The following CD33 variants were observed in gnomAD, a reference collection of about 807,000 sequenced individuals.
CD33 encodes myeloid cell surface antigen CD33.
Under a neutral mutation model 31.4 loss-of-function variants are expected in CD33, and 25 were observed. The ratio of observed to expected loss-of-function variants is 0.80; its 90% CI spans 0.58 to 1.11. The LOEUF (loss-of-function observed/expected upper bound fraction) is 1.11, where lower values mean the gene tolerates loss of function less well. Among genes scored for constraint, CD33 ranks in the 50% most tolerant of loss-of-function variants. The probability of loss-of-function intolerance (pLI) is 0.00; values close to 1 mark genes in which losing one functional copy is unlikely to be tolerated. For missense variants in CD33, 407 were observed against 448.1 expected (o/e 0.91, Z 0.83); for synonymous variants, 176 against 180.6 (o/e 0.97, Z 0.20).
At chr19:51,218,243 C>G in the CD33 span, among the ~76,000 whole-genome samples, 1 of 152,220 alleles carries the variant, frequency 6.6e-6, no homozygotes, top group Non-Finnish European at 1.5e-5. Flanking sequence ...GATGATTTCT[C>G]ACTGCGGTTT....
chr19:51,224,757 T>G (rs898374067), upstream of CD33, among the ~76,000 whole-genome samples: 2 of 152,106 alleles, frequency 1.3e-5, no homozygotes, highest in African/African-American at 4.8e-5. Flanking sequence ...TGATCAGCCC[T>G]GGTGTAAACA....
rs780051360 is a variant in CD33 at position 51,231,950 on chromosome 19, G to A, written c.746-3207G>A. Reference sequence around the variant, plus strand: ...ATTTTTGTGTTTCTTGTAGAGGTAGGGTGTTGCCATTTGCCTAAGCTGGTC... The same window carrying A: ...ATTTTTGTGTTTCTTGTAGAGGTAGAGTGTTGCCATTTGCCTAAGCTGGTC... On this transcript the variant is annotated intron_variant, in intron 4 of 6. Coordinates refer to ENST00000262262, the MANE Select transcript of CD33 (RefSeq NM_001772.4). 5.8e-4 allele frequency among the ~76,000 whole-genome samples: 88 copies of A among 152,100 alleles called. 1 individual carries two copies. Among genetic ancestry groups the A allele is most frequent in the Admixed American group, 2.0e-3 (31 of 15,276 alleles).
rs1599866568 is a variant in CD33, at chr19:51,225,856, T to G, written c.472T>G (p.Ser158Ala). The change falls in exon 3 of 7, where the codon TCC becomes GCC. Residue 158 changes from serine (S) to alanine (A), a missense_variant. Ser to Ala is a moderately conservative substitution (Grantham distance 99). Coordinates refer to ENST00000262262, the MANE Select transcript of CD33 (RefSeq NM_001772.4). ...CCCTGGCACTCTAGAACCCGGCCAC[T>G]CCAAAAACCTGACCTGCTCTGTGTC... ...LIPGTLEPGH[S>A]KNLTCSVSWA... 3 of 1,613,826 alleles carry G rather than the reference T, an allele frequency of 1.9e-6. No homozygotes were observed. In the East Asian group the frequency reaches 6.7e-5, roughly 36 times the overall value.
At chr19:51,218,145 C>T in the CD33 span, among the ~76,000 whole-genome samples, 1 of 152,214 alleles carries the variant, frequency 6.6e-6, no homozygotes, top group Non-Finnish European at 1.5e-5. Context: ...TTCCCATGAA[C>T]ACTGTATAAG....
At chr19:51,234,239 A>G (rs1032779709) in intron 4 of CD33, among the ~76,000 whole-genome samples, 1 of 152,090 alleles carries the variant, frequency 6.6e-6, no homozygotes, top group African/African-American at 2.4e-5. Context: ...ATCCCCCATC[A>G]GAGTGGTACA....
At chr19:51,228,835 T>C (rs1981216789) in intron 4 of CD33, among the ~76,000 whole-genome samples, 1 of 152,228 alleles carries the variant, frequency 6.6e-6, no homozygotes, top group East Asian at 1.9e-4. Context: ...TTTAGGTTTT[T>C]GTATGTTATT....
rs1291139455 is a variant in CD33 at position 51,235,943 on chromosome 19, G to T, written c.924+267G>T. On this transcript the variant is annotated intron_variant, in intron 6 of 6. Coordinates refer to ENST00000262262, the MANE Select transcript of CD33 (RefSeq NM_001772.4). ...GGAGGCCAAGGCGGGCGGATCACGA[G>T]GTCAGGAGATTGAGACTATCCTGGC... 3 of 696,796 alleles carry T rather than the reference G, an allele frequency of 4.3e-6. No homozygotes were observed. In the African/African-American group the frequency reaches 5.3e-5, roughly 12 times the overall value. The allele number at this position is 696,796 out of a possible 1,614,324, so 43.2% of individuals were successfully genotyped here.
At chr19:51,216,432 G>T in the CD33 span, among the ~76,000 whole-genome samples, 1 of 152,064 alleles carries the variant, frequency 6.6e-6, no homozygotes, top group Non-Finnish European at 1.5e-5. Flanking sequence ...GTTCTGGGCT[G>T]GGCATCGTGG....
At chr19:51,216,264 GTGTT>G in the CD33 span, among the ~76,000 whole-genome samples, 4 of 149,258 alleles carry the variant, frequency 2.7e-5, no homozygotes, top group South Asian at 8.5e-4. Flanking sequence ...GTGTGTGTGT[GTGTT>G]TCTTGTATGA....
At chr19:51,218,764 C>T in the CD33 span, among the ~76,000 whole-genome samples, 3 of 152,246 alleles carry the variant, frequency 2.0e-5, no homozygotes, top group Admixed American at 2.0e-4. Context: ...CTCCCAGCAC[C>T]GTTTAATTAA....
the CD33 span, chr19:51,211,927 T>C: frequency 8.4e-6 from 12 of 1,430,240 alleles, 1 homozygote; most frequent in Non-Finnish European, 1.1e-5. Context: ...GCTGCCCCCA[T>C]CTCCCTGGGC....
chr19:51,231,820 A>G (rs1258524478), intron 4 of CD33, among the ~76,000 whole-genome samples: 1 of 151,916 alleles, frequency 6.6e-6, no homozygotes, highest in Non-Finnish European at 1.5e-5. Flanking sequence ...GTGCAGTGGC[A>G]TGATCACGGC....
chr19:51,211,987 A>G, the CD33 span: 2 of 1,141,978 alleles, frequency 1.8e-6, no homozygotes, highest in Non-Finnish European at 2.6e-6. Context: ...TGGCCCCAGG[A>G]CCACGGCACC....
At chr19:51,226,147 G>GTCCT in intron 3 of CD33, 66 bp downstream of exon 3, 3 of 1,578,388 alleles carry the variant, frequency 1.9e-6, no homozygotes, top group Non-Finnish European at 1.7e-6. Flanking sequence ...GCTGGTGCTG[G>GTCCT]GGACATTTAG....
upstream of CD33, among the ~76,000 whole-genome samples, chr19:51,224,543 G>T (rs189386054): frequency 6.6e-6 from 1 of 152,152 alleles, no homozygotes; most frequent in Non-Finnish European, 1.5e-5. Flanking sequence ...GTGTTTCTCC[G>T]AGATGACGGT....
chr19:51,218,302 C>T, the CD33 span, among the ~76,000 whole-genome samples: 1 of 152,182 alleles, frequency 6.6e-6, no homozygotes, highest in African/African-American at 2.4e-5. Context: ...GTTTCACATG[C>T]TTCTTGGCCA....
At chr19:51,216,223 AGTGTGTGTGT>A in the CD33 span, among the ~76,000 whole-genome samples, 11 of 128,486 alleles carry the variant, frequency 8.6e-5, no homozygotes, top group South Asian at 9.8e-4. Context: ...ATGTCACCCG[AGTGTGTGTGT>A]GTGTGTGTGT....
chr19:51,213,832 A>G, the CD33 span, among the ~76,000 whole-genome samples: 2 of 136,338 alleles, frequency 1.5e-5, no homozygotes, highest in Non-Finnish European at 1.6e-5. Context: ...CACTGCGCCC[A>G]GCCTCATTTT....
At chr19:51,239,426 C>A in intron 6 of CD33, 92 bp from the exon 7 acceptor site, 1 of 881,744 alleles carries the variant, frequency 1.1e-6, no homozygotes, top group South Asian at 2.1e-5. Context: ...AATGTTCTGT[C>A]AGAGTCAAAT....
Sources: gnomAD v4.1 joint callset for allele counts (sites outside exome capture counted in the v4.1 genomes callset) on GRCh38, gnomAD v4.1.1 for gene constraint, MANE v1.5 for transcripts, NCBI Gene and HGNC (gene_info 2026-07-23, HGNC 2026-07-21) for gene names.